Variants in SMYD3 observed in about 807,000 individuals in gnomAD.
SMYD3 encodes the protein SET and MYND domain containing 3, also known as histone-lysine N-methyltransferase SMYD3.
A neutral mutation model predicts 57.7 loss-of-function variants in SMYD3; 36 were observed. That is an observed-to-expected ratio of 0.62 (90% CI 0.48 to 0.82). The LOEUF is 0.82. Among genes scored for constraint, SMYD3 ranks in the 40% least tolerant of loss-of-function variants. The pLI, the probability that SMYD3 is intolerant of heterozygous loss-of-function variation, is 0.00. For missense variants in SMYD3, 515 were observed against 538.8 expected, an observed-to-expected ratio of 0.96 and a Z score of 0.44; for synonymous variants, 211 against 195.0, an observed-to-expected ratio of 1.08 and a Z score of -0.68.
At chr1:246,356,602 C>A (rs1302484781) in intron 1 of SMYD3, among the ~76,000 whole-genome samples, 7 of 152,050 alleles carry the variant, frequency 4.6e-5, no homozygotes, top group Admixed American at 2.0e-4. Flanking sequence ...AAAAAATGAT[C>A]ACAACTTCTA....
intron 7 of SMYD3, among the ~76,000 whole-genome samples, chr1:245,919,805 A>G (rs1407239799): frequency 6.6e-6 from 1 of 152,246 alleles, no homozygotes; most frequent in African/African-American, 2.4e-5. Flanking sequence ...GGCACAGAAC[A>G]AAATTGCATT....
intron 5 of SMYD3, among the ~76,000 whole-genome samples, chr1:245,979,151 C>T (rs2058531052): frequency 6.6e-6 from 1 of 152,138 alleles, no homozygotes; most frequent in African/African-American, 2.4e-5. Flanking sequence ...TCTGTCATCA[C>T]ACAGAAATAG....
chr1:246,269,659 C>T (rs1439419235), intron 5 of SMYD3, among the ~76,000 whole-genome samples: 2 of 151,752 alleles, frequency 1.3e-5, no homozygotes, highest in Non-Finnish European at 2.9e-5. Flanking sequence ...ACCTCAACCT[C>T]CCGAGCCCAA....
chr1:245,867,643 CATGCGCGTGCGT>C (rs2051931783), intron 8 of SMYD3, among the ~76,000 whole-genome samples: 1 of 78,864 alleles, frequency 1.3e-5, no homozygotes, highest in Non-Finnish European at 3.7e-5. Flanking sequence ...AAGATATGTG[CATGCGCGTGCGT>C]GTGCGTGCGC....
intron 5 of SMYD3, among the ~76,000 whole-genome samples, chr1:246,124,841 A>G (rs1479162622): frequency 6.6e-6 from 1 of 152,120 alleles, no homozygotes; most frequent in Non-Finnish European, 1.5e-5. Context: ...TTTTCTACTT[A>G]AAACAAAATC....
chr1:246,085,966 C>T (rs776507328), intron 5 of SMYD3, among the ~76,000 whole-genome samples: 2 of 151,442 alleles, frequency 1.3e-5, no homozygotes, highest in African/African-American at 2.4e-5. Context: ...TGGCTAAAAA[C>T]AGTAGAAAAA....
chr1:245,867,401 CA>C (rs2051917252), intron 8 of SMYD3, among the ~76,000 whole-genome samples: 1 of 152,206 alleles, frequency 6.6e-6, no homozygotes, highest in Non-Finnish European at 1.5e-5. Flanking sequence ...ATTGTTACAG[CA>C]GCCACAGAAA....
chr1:246,491,969 A>G (rs1184585948), intron 1 of SMYD3, among the ~76,000 whole-genome samples: 1 of 152,334 alleles, frequency 6.6e-6, no homozygotes, highest in South Asian at 2.1e-4. Flanking sequence ...GGACGGCAGG[A>G]ACTAAAGCTA....
intron 5 of SMYD3, among the ~76,000 whole-genome samples, chr1:246,167,490 C>T (rs1170043064): frequency 1.3e-5 from 2 of 151,490 alleles, no homozygotes; most frequent in Admixed American, 1.3e-4. Flanking sequence ...TGTGAAGTGG[C>T]ACCTCATTAC....
Position 246,064,899 on chromosome 1 carries a change from G to A in SMYD3, c.532-134962C>T, listed in dbSNP as rs147189272. 9.8e-5 allele frequency among the ~76,000 whole-genome samples: 15 copies of A among 152,320 alleles called. No individual in the cohort carries two copies. In the East Asian group the frequency reaches 1.7e-3, roughly 18 times the overall value. On this transcript the variant is annotated intron_variant, in intron 5 of 11. Coordinates refer to ENST00000490107, the MANE Select transcript of SMYD3 (RefSeq NM_001167740.2). ...AATATGTGGTGGTCTTCCTGTGACCGTGTAGGTCTGCAGAGCCTATAATCT... is the reference window on the plus strand; with the variant it reads ...AATATGTGGTGGTCTTCCTGTGACCATGTAGGTCTGCAGAGCCTATAATCT...
intron 1 of SMYD3, among the ~76,000 whole-genome samples, chr1:246,498,789 A>G (rs954900128): frequency 1.3e-5 from 2 of 151,816 alleles, no homozygotes; most frequent in African/African-American, 4.8e-5. Context: ...AAGAAAAAAT[A>G]TAAGATGAAC....
intron 10 of SMYD3, among the ~76,000 whole-genome samples, chr1:245,815,287 A>T (rs1297731293): frequency 6.6e-6 from 1 of 152,246 alleles, no homozygotes; most frequent in Non-Finnish European, 1.5e-5. Context: ...AGCCCAGAAG[A>T]GCTGTTGGTT....
intron 1 of SMYD3, among the ~76,000 whole-genome samples, chr1:246,390,022 G>C (rs67505250): frequency 0.34 from 51,536 of 151,642 alleles, 9,065 homozygotes; most frequent in Non-Finnish European, 0.38. Context: ...CAAAACTCCA[G>C]GTCTTTATCA....
intron 5 of SMYD3, among the ~76,000 whole-genome samples, chr1:246,311,795 T>C (rs1321235318): frequency 1.3e-5 from 2 of 152,226 alleles, no homozygotes; most frequent in African/African-American, 4.8e-5. Context: ...TCAAAAATAA[T>C]TCCCTATCTA....
chr1:245,752,457 A>G (rs139529723), intron 11 of SMYD3, among the ~76,000 whole-genome samples: 1 of 151,998 alleles, frequency 6.6e-6, no homozygotes. Flanking sequence ...CTCTGACTTG[A>G]CTCAGAGGCT....
Position 246,198,485 on chromosome 1 carries a change from A to G in SMYD3, c.531+128716T>C, listed in dbSNP as rs997788573. On this transcript the variant is annotated intron_variant, in intron 5 of 11. Transcript: ENST00000490107. ...TTTGATAAAAAATATCTGAAGACACATTCAATAAGAATGACCGGGGTACAT... is the reference window on the plus strand; with the variant it reads ...TTTGATAAAAAATATCTGAAGACACGTTCAATAAGAATGACCGGGGTACAT... Among the ~76,000 whole-genome samples the G allele has an allele frequency of 3.3e-5, 5 of 152,360 alleles. 1 individual carries two copies. Among genetic ancestry groups the G allele is most frequent in the Admixed American group, 3.3e-4 (5 of 15,306 alleles).
chr1:245,872,459 G>A (rs1452938584), intron 8 of SMYD3, among the ~76,000 whole-genome samples: 5 of 120,788 alleles, frequency 4.1e-5, no homozygotes, highest in Non-Finnish European at 8.1e-5. Flanking sequence ...CGGCCTCCCT[G>A]AGCTGGCCGA....
intron 5 of SMYD3, among the ~76,000 whole-genome samples, chr1:246,076,614 CACTT>C (rs2060552041): frequency 6.6e-6 from 1 of 151,944 alleles, no homozygotes; most frequent in Non-Finnish European, 1.5e-5. Context: ...TAAGGCATGT[CACTT>C]ACTTGCTCTT....
At chr1:245,814,413 C>T (rs1413441753) in intron 10 of SMYD3, 1 of 980,502 alleles carries the variant, frequency 1.0e-6, no homozygotes, top group South Asian at 4.7e-5. Flanking sequence ...TGGTCTTCTT[C>T]AACTGGGGGC....
Sources: allele counts gnomAD v4.1 joint callset (sites outside exome capture counted in the v4.1 genomes callset), GRCh38; gene constraint gnomAD v4.1.1; transcripts MANE v1.5; gene names NCBI Gene and HGNC (gene_info 2026-07-23, HGNC 2026-07-21).